The following ZFAND6 variants were observed in gnomAD, a reference collection of about 807,000 sequenced individuals.
The protein encoded by ZFAND6 is AN1-type zinc finger protein 6.
In ZFAND6, 12 loss-of-function variants were observed where a neutral mutation model predicts 24.5. The observed-to-expected ratio is 0.49, with a 90% CI of 0.31 to 0.79. The LOEUF is 0.79. Ranked by LOEUF, ZFAND6 falls within the 30% of genes least tolerant of loss-of-function variation. ZFAND6 has a pLI of 0.04. For synonymous variants in ZFAND6, 92 were observed against 81.5 expected (o/e 1.13, Z -0.69); for missense variants, 207 against 245.9 (o/e 0.84, Z 1.06).
chr15:80,128,671 C>T (rs1187151165), intron 5 of ZFAND6, among the ~76,000 whole-genome samples: 2 of 152,136 alleles, frequency 1.3e-5, no homozygotes, highest in Non-Finnish European at 2.9e-5. Flanking sequence ...GCTGAGGTTA[C>T]CTTAGCCTCA....
chr15:80,087,210 T>G (rs1194932087), intron 1 of ZFAND6, among the ~76,000 whole-genome samples: 8 of 152,328 alleles, frequency 5.3e-5, no homozygotes, highest in African/African-American at 1.7e-4. Flanking sequence ...TAATTGCATG[T>G]TTAACTTCAT....
intron 2 of ZFAND6, among the ~76,000 whole-genome samples, chr15:80,100,016 C>G (rs2038951417): frequency 6.6e-6 from 1 of 152,178 alleles, no homozygotes; most frequent in Non-Finnish European, 1.5e-5. Flanking sequence ...CCAAAGGTTT[C>G]ACTTTGCCCC....
At chr15:80,062,909 T>C (rs896777447) in intron 1 of ZFAND6, among the ~76,000 whole-genome samples, 1 of 152,178 alleles carries the variant, frequency 6.6e-6, no homozygotes, top group African/African-American at 2.4e-5. Context: ...CCTGGCTCTT[T>C]CTTAAGAACT....
At chr15:80,072,079 TTTCTC>T (rs1322301336) in intron 1 of ZFAND6, among the ~76,000 whole-genome samples, 11 of 152,254 alleles carry the variant, frequency 7.2e-5, no homozygotes, top group African/African-American at 2.4e-4. Context: ...AAGTTATAGT[TTTCTC>T]TTTAAGTCTT....
At chr15:80,062,279 C>G (rs1302208774) in intron 1 of ZFAND6, among the ~76,000 whole-genome samples, 2 of 152,206 alleles carry the variant, frequency 1.3e-5, no homozygotes, top group Admixed American at 6.5e-5. Flanking sequence ...ATGTCACACC[C>G]TTTAAGGGAA....
chr15:80,067,608 TAAA>T, intron 1 of ZFAND6, among the ~76,000 whole-genome samples: 1 of 152,314 alleles, frequency 6.6e-6, no homozygotes, highest in South Asian at 2.1e-4. Context: ...AATTTAATAT[TAAA>T]AATTCAGTTC....
At chr15:80,095,790 C>G (rs2038685610) in intron 1 of ZFAND6, among the ~76,000 whole-genome samples, 1 of 152,178 alleles carries the variant, frequency 6.6e-6, no homozygotes, top group South Asian at 2.1e-4. Context: ...TTGTGTCTCT[C>G]TAACTGCCCT....
chr15:80,075,220 C>A, intron 1 of ZFAND6: 1 of 173,044 alleles, frequency 5.8e-6, no homozygotes, highest in Non-Finnish European at 1.3e-5. Flanking sequence ...TAAAAATTTT[C>A]CATATTTCTA....
intron 1 of ZFAND6, among the ~76,000 whole-genome samples, chr15:80,070,523 A>G (rs537641432): frequency 2.6e-5 from 4 of 152,172 alleles, no homozygotes; most frequent in African/African-American, 9.6e-5. Flanking sequence ...CTTAATTTTA[A>G]CCTGTTTGCT....
chr15:80,123,384 G>A (rs1288286615), intron 5 of ZFAND6, among the ~76,000 whole-genome samples: 1 of 152,194 alleles, frequency 6.6e-6, no homozygotes, highest in Non-Finnish European at 1.5e-5. Context: ...AGAATGCGGA[G>A]TAGGCCATTT....
At chr15:80,082,235 T>C (rs966682929) in intron 1 of ZFAND6, among the ~76,000 whole-genome samples, 24 of 152,344 alleles carry the variant, frequency 1.6e-4, no homozygotes, top group African/African-American at 5.8e-4. Flanking sequence ...GGGTTTGGAA[T>C]ATTAATTTAA....
intron 1 of ZFAND6, among the ~76,000 whole-genome samples, chr15:80,076,255 A>G (rs1295127160): frequency 1.3e-5 from 2 of 152,166 alleles, no homozygotes; most frequent in African/African-American, 4.8e-5. Context: ...CAGCTCACCA[A>G]AAGTCACAGC....
intron 1 of ZFAND6, among the ~76,000 whole-genome samples, chr15:80,065,162 C>T (rs2036552883): frequency 1.3e-5 from 2 of 151,616 alleles, no homozygotes; most frequent in South Asian, 4.2e-4. Flanking sequence ...TTTACGGTTT[C>T]ATATTTCACA....
chr15:80,083,553 T>C (rs1416374019), intron 1 of ZFAND6, among the ~76,000 whole-genome samples: 2 of 151,770 alleles, frequency 1.3e-5, no homozygotes, highest in African/African-American at 2.4e-5. Context: ...CCAGAGTGAG[T>C]GAAAGGGATG....
intron 1 of ZFAND6, among the ~76,000 whole-genome samples, chr15:80,069,444 A>G (rs1001484596): frequency 1.3e-5 from 2 of 151,840 alleles, no homozygotes; most frequent in African/African-American, 2.4e-5. Context: ...GCTTATTTGT[A>G]TGTTTCCTTA....
chr15:80,092,326 GA>G (rs373513444), intron 1 of ZFAND6, among the ~76,000 whole-genome samples: 9,699 of 103,556 alleles, frequency 0.094, 399 homozygotes, highest in East Asian at 0.26. Context: ...ATCTCTACAG[GA>G]AAAAAAAAAA....
intron 2 of ZFAND6, chr15:80,111,590 A>T (rs2039614303): frequency 1.3e-5 from 6 of 454,080 alleles, no homozygotes; most frequent in Non-Finnish European, 2.7e-5. Context: ...ATAACTATAT[A>T]GCAATATAGG....
chr15:80,074,323 G>A lies in ZFAND6; in HGVS notation c.-181+14514G>A, dbSNP rs114731137. On this transcript the variant is annotated intron_variant, in intron 1 of 6. Transcript: ENST00000261749. ...ATACTTAGTGTATGTGTTGCTATTA[G>A]TAAGTATGGGGCTTAATGTTTTACA... 4.2e-3 allele frequency among the ~76,000 whole-genome samples: 644 copies of A among 151,944 alleles called. 4 individuals carry two copies. Among genetic ancestry groups the A allele is most frequent in the African/African-American group, 0.014 (593 of 41,518 alleles).
At chr15:80,092,348 A>T (rs1174346255) in intron 1 of ZFAND6, among the ~76,000 whole-genome samples, 5 of 147,664 alleles carry the variant, frequency 3.4e-5, no homozygotes, top group Non-Finnish European at 7.5e-5. Context: ...AAAAAAAAGG[A>T]TTGCTTGAGG....
Sources: allele counts gnomAD v4.1 joint callset (sites outside exome capture counted in the v4.1 genomes callset), GRCh38; gene constraint gnomAD v4.1.1; transcripts MANE v1.5; gene names NCBI Gene and HGNC (gene_info 2026-07-23, HGNC 2026-07-21).